FBLN5: variants seen among roughly 807,000 people sequenced by gnomAD.
FBLN5 encodes the protein fibulin 5, also known as fibulin-5.
Under a neutral mutation model 61.6 loss-of-function variants are expected in FBLN5, and 24 were observed. That is an observed-to-expected ratio of 0.39 (90% CI 0.28 to 0.55). The LOEUF (loss-of-function observed/expected upper bound fraction) is 0.55, where lower values mean the gene tolerates loss of function less well. Ranked by LOEUF, FBLN5 falls within the 20% of genes least tolerant of loss-of-function variation. The pLI is 0.65. For missense variants in FBLN5, 470 were observed against 594.1 expected, an observed-to-expected ratio of 0.79 and a Z score of 2.17; for synonymous variants, 213 against 219.8, an observed-to-expected ratio of 0.97 and a Z score of 0.27.
At chr14:91,892,184 T>C (rs1890024342) in intron 5 of FBLN5, among the ~76,000 whole-genome samples, 1 of 152,150 alleles carries the variant, frequency 6.6e-6, no homozygotes, top group Non-Finnish European at 1.5e-5. Flanking sequence ...CAAGCTGATG[T>C]GATAATGGGC....
intron 4 of FBLN5, among the ~76,000 whole-genome samples, chr14:91,921,090 G>A (rs1393746824): frequency 1.3e-5 from 2 of 152,170 alleles, no homozygotes; most frequent in African/African-American, 4.8e-5. Flanking sequence ...CTGCGGCTTC[G>A]TTGGAATTCT....
intron 4 of FBLN5, among the ~76,000 whole-genome samples, chr14:91,907,549 G>T (rs117619064): frequency 1.3e-5 from 2 of 152,030 alleles, no homozygotes; most frequent in African/African-American, 2.4e-5. Flanking sequence ...GAGCCGGGGG[G>T]AGCTTCACTG....
chr14:91,894,916 A>G (rs1890157026), intron 5 of FBLN5, 34 bp downstream of exon 5: 1 of 1,589,494 alleles, frequency 6.3e-7, no homozygotes, highest in African/African-American at 1.4e-5. Flanking sequence ...GTTAACTTCC[A>G]AGAGTCCCTG....
chr14:91,877,013 CT>C (rs763945183), intron 10 of FBLN5, among the ~76,000 whole-genome samples: 8 of 148,938 alleles, frequency 5.4e-5, no homozygotes, highest in Non-Finnish European at 4.5e-5. Context: ...GACCGGCTAA[CT>C]TTTTTTTTTG....
chr14:91,922,029 C>T (rs943624792), intron 4 of FBLN5, among the ~76,000 whole-genome samples: 16 of 152,086 alleles, frequency 1.1e-4, no homozygotes, highest in East Asian at 5.8e-4. Flanking sequence ...GGCAGACAGG[C>T]GCGGTGGCCT....
chr14:91,928,496 G>C (rs1316193681), intron 4 of FBLN5, among the ~76,000 whole-genome samples: 1 of 152,226 alleles, frequency 6.6e-6, no homozygotes, highest in African/African-American at 2.4e-5. Flanking sequence ...GTATGGCTGG[G>C]CATGACAGCT....
At chr14:91,904,994 T>C (rs747782441) in intron 4 of FBLN5, among the ~76,000 whole-genome samples, 55 of 152,080 alleles carry the variant, frequency 3.6e-4, no homozygotes, top group Non-Finnish European at 7.4e-4. Context: ...GCCTGAAAAT[T>C]GACATCAACA....
intron 4 of FBLN5, among the ~76,000 whole-genome samples, chr14:91,929,518 G>A (rs1187562193): frequency 6.6e-6 from 1 of 152,164 alleles, no homozygotes. Context: ...ATGTCACACA[G>A]CTAATAAGTA....
intron 3 of FBLN5, among the ~76,000 whole-genome samples, chr14:91,937,592 G>A (rs1427647538): frequency 1.3e-5 from 2 of 152,114 alleles, no homozygotes; most frequent in East Asian, 3.9e-4. Flanking sequence ...ATGGGTTAAT[G>A]GGTTATCTTG....
intron 4 of FBLN5, among the ~76,000 whole-genome samples, chr14:91,897,013 C>T (rs888236170): frequency 3.3e-5 from 5 of 152,192 alleles, no homozygotes; most frequent in African/African-American, 1.2e-4. Context: ...AATCCACCAT[C>T]CACCTGCAAC....
At chr14:91,901,403 A>G (rs1177795217) in intron 4 of FBLN5, among the ~76,000 whole-genome samples, 1 of 152,172 alleles carries the variant, frequency 6.6e-6, no homozygotes, top group Non-Finnish European at 1.5e-5. Flanking sequence ...TTTTTTGGAT[A>G]TGGCAAAAAT....
At position 91,880,145 on chromosome 14, in the gene FBLN5, C is replaced by T. The variant is rs144139468; in HGVS notation, c.989+1147G>A. On this transcript the variant is annotated intron_variant, in intron 9 of 10. Coordinates refer to ENST00000342058, the MANE Select transcript of FBLN5 (RefSeq NM_006329.4). Reference sequence around the variant, plus strand: ...ACGTCAGAAACTTGATTAGCACCAACGAGAGAACTCTCCAGCACCTCAATA... The same window carrying T: ...ACGTCAGAAACTTGATTAGCACCAATGAGAGAACTCTCCAGCACCTCAATA... Among the ~76,000 whole-genome samples the T allele has an allele frequency of 1.2e-4, 19 of 152,308 alleles. 1 individual carries two copies. In the East Asian group the frequency reaches 3.3e-3, roughly 26 times the overall value.
chr14:91,888,753 CAG>C (rs1282421909), intron 6 of FBLN5, among the ~76,000 whole-genome samples: 1 of 152,086 alleles, frequency 6.6e-6, no homozygotes, highest in East Asian at 1.9e-4. Context: ...GAACATGAGT[CAG>C]GGGTTTTTCC....
At chr14:91,898,211 C>CGT (rs537185240) in intron 4 of FBLN5, among the ~76,000 whole-genome samples, 35 of 150,370 alleles carry the variant, frequency 2.3e-4, no homozygotes, top group African/African-American at 8.6e-4. Context: ...TTTTTTTTGG[C>CGT]GGGGGGGGCG....
intron 9 of FBLN5, 175 bp from the exon 10 acceptor site, chr14:91,877,857 C>T (rs373204781): frequency 1.2e-5 from 8 of 676,670 alleles, no homozygotes; most frequent in South Asian, 1.5e-5. Flanking sequence ...AGCATGTAGG[C>T]GAGCTCTGTT....
intron 4 of FBLN5, among the ~76,000 whole-genome samples, chr14:91,912,616 GCCTGGGTGA>G (rs1261208641): frequency 1.3e-5 from 2 of 152,252 alleles, no homozygotes; most frequent in East Asian, 3.9e-4. Context: ...CTGCACTCCA[GCCTGGGTGA>G]CAGAGCTAGA....
intron 2 of FBLN5, among the ~76,000 whole-genome samples, chr14:91,942,648 A>C (rs1009799961): frequency 1.3e-5 from 2 of 152,182 alleles, no homozygotes; most frequent in African/African-American, 4.8e-5. Context: ...CTTATAATAA[A>C]ATAGAAAAGA....
chr14:91,920,061 T>C (rs1352915110), intron 4 of FBLN5, among the ~76,000 whole-genome samples: 1 of 152,100 alleles, frequency 6.6e-6, no homozygotes, highest in Non-Finnish European at 1.5e-5. Context: ...GGGGCTTGAC[T>C]TGGAGTCCCA....
intron 4 of FBLN5, among the ~76,000 whole-genome samples, chr14:91,916,905 G>A (rs192591434): frequency 5.9e-5 from 9 of 152,208 alleles, no homozygotes; most frequent in South Asian, 4.1e-4. Context: ...GTCCATGCAC[G>A]GCAGGTAGCT....
Sources: allele counts gnomAD v4.1 joint callset (sites outside exome capture counted in the v4.1 genomes callset), GRCh38; gene constraint gnomAD v4.1.1; transcripts MANE v1.5; gene names NCBI Gene and HGNC (gene_info 2026-07-23, HGNC 2026-07-21).